PELI2: variants seen among roughly 807,000 people sequenced by gnomAD.
PELI2 encodes the protein E3 ubiquitin-protein ligase pellino homolog 2.
Under a neutral mutation model 42.3 loss-of-function variants are expected in PELI2, and 23 were observed. The ratio of observed to expected loss-of-function variants is 0.54; its 90% CI spans 0.39 to 0.77. PELI2 has a LOEUF of 0.77. PELI2 is among the 30% of genes least tolerant of loss of function. The pLI is 0.00. For synonymous variants in PELI2, 245 were observed against 212.2 expected, an observed-to-expected ratio of 1.15 and a Z score of -1.34; for missense variants, 463 against 553.2, an observed-to-expected ratio of 0.84 and a Z score of 1.64.
chr14:56,229,516 C>G (rs1336106663), intron 2 of PELI2, among the ~76,000 whole-genome samples: 1 of 152,216 alleles, frequency 6.6e-6, no homozygotes, highest in East Asian at 1.9e-4. Context: ...TCCAACAGAC[C>G]TGCAGCTGAG....
intron 2 of PELI2, among the ~76,000 whole-genome samples, chr14:56,269,607 C>A (rs1305838794): frequency 6.6e-6 from 1 of 152,150 alleles, no homozygotes. Flanking sequence ...ACAGCAGTGA[C>A]CTTTCTGGGG....
chr14:56,175,953 A>G lies in PELI2; in HGVS notation c.78-2382A>G, dbSNP rs376095042. Among the ~76,000 whole-genome samples, 23 of 152,254 alleles carry G rather than the reference A, an allele frequency of 1.5e-4. 1 individual carries two copies. The highest frequency in any genetic ancestry group is 8.5e-4 in the Admixed American group (13 of 15,304). On this transcript the variant is annotated intron_variant, in intron 1 of 5. Coordinates refer to ENST00000267460, the MANE Select transcript of PELI2 (RefSeq NM_021255.3). The stretch of plus-strand genomic sequence containing the variant: ...TGCTTTTTCAGCCATATAACACTTT[A>G]TGACATCCCCACAGCTCCTGTGTTT...
chr14:56,140,460 C>T (rs933852303), intron 1 of PELI2, among the ~76,000 whole-genome samples: 1 of 152,202 alleles, frequency 6.6e-6, no homozygotes, highest in African/African-American at 2.4e-5. Flanking sequence ...TTTGCCTTCA[C>T]AGTGAGGTCT....
chr14:56,268,769 A>G (rs1386520737), intron 2 of PELI2, among the ~76,000 whole-genome samples: 1 of 152,170 alleles, frequency 6.6e-6, no homozygotes, highest in Admixed American at 6.5e-5. Context: ...AGTGACCAGC[A>G]GTTACGATGC....
chr14:56,235,849 A>G (rs2139782059), intron 2 of PELI2, among the ~76,000 whole-genome samples: 1 of 152,338 alleles, frequency 6.6e-6, no homozygotes, highest in Non-Finnish European at 1.5e-5. Flanking sequence ...AGAGAAGGGC[A>G]TTTCTGCGTA....
chr14:56,241,092 G>A (rs1846004293), intron 2 of PELI2, among the ~76,000 whole-genome samples: 1 of 131,086 alleles, frequency 7.6e-6, no homozygotes, highest in Admixed American at 8.2e-5. Context: ...TCATCCCCAG[G>A]AGGTTTGAGT....
At chr14:56,142,616 G>T (rs1288188267) in intron 1 of PELI2, among the ~76,000 whole-genome samples, 3 of 151,986 alleles carry the variant, frequency 2.0e-5, no homozygotes, top group Non-Finnish European at 4.4e-5. Flanking sequence ...TCTCAAGTTT[G>T]ATTTTTTTCC....
chr14:56,209,325 G>A (rs967376281), intron 2 of PELI2, among the ~76,000 whole-genome samples: 2 of 152,124 alleles, frequency 1.3e-5, no homozygotes, highest in African/African-American at 2.4e-5. Flanking sequence ...TTTCTGAAAA[G>A]GCTATTAAAA....
intron 2 of PELI2, among the ~76,000 whole-genome samples, chr14:56,228,556 A>C (rs1428733814): frequency 1.3e-5 from 2 of 152,256 alleles, no homozygotes; most frequent in Non-Finnish European, 2.9e-5. Flanking sequence ...CACGATTATA[A>C]ACTTAACATT....
chr14:56,231,136 G>A (rs1887550350), intron 2 of PELI2, among the ~76,000 whole-genome samples: 1 of 152,152 alleles, frequency 6.6e-6, no homozygotes, highest in Non-Finnish European at 1.5e-5. Context: ...AAGAGACTTA[G>A]ACTTCCACAC....
intron 2 of PELI2, among the ~76,000 whole-genome samples, chr14:56,232,851 T>G (rs1451349868): frequency 6.6e-6 from 1 of 151,714 alleles, no homozygotes. Context: ...ATTGTCTATT[T>G]AGAAAACCCT....
chr14:56,220,002 C>G (rs1009861540), intron 2 of PELI2, among the ~76,000 whole-genome samples: 1 of 152,186 alleles, frequency 6.6e-6, no homozygotes, highest in Non-Finnish European at 1.5e-5. Context: ...GGAATCATAT[C>G]ATAAACAGTT....
chr14:56,265,823 C>G (rs1392066670), intron 2 of PELI2, among the ~76,000 whole-genome samples: 1 of 151,988 alleles, frequency 6.6e-6, no homozygotes, highest in African/African-American at 2.4e-5. Context: ...ATATAGATGT[C>G]ATATTTACAT....
At chr14:56,292,815 T>G (rs940961327) in intron 5 of PELI2, 6 of 956,172 alleles carry the variant, frequency 6.3e-6, no homozygotes, top group African/African-American at 1.8e-5. Context: ...AATAAATAGG[T>G]GAATGGAGTT....
chr14:56,255,902 C>T (rs575688346), intron 2 of PELI2, among the ~76,000 whole-genome samples: 79 of 152,292 alleles, frequency 5.2e-4, no homozygotes, highest in Middle Eastern at 3.4e-3. Flanking sequence ...CATGGCTAGT[C>T]CCTAGTTCCT....
At chr14:56,235,476 C>T (rs562387634) in intron 2 of PELI2, among the ~76,000 whole-genome samples, 20 of 152,310 alleles carry the variant, frequency 1.3e-4, no homozygotes, top group African/African-American at 2.6e-4. Flanking sequence ...TCTACGCTAA[C>T]GGGTGGCATC....
Position 56,163,660 on chromosome 14 carries a change from T to A in PELI2, c.78-14675T>A, listed in dbSNP as rs1594599473. Among the ~76,000 whole-genome samples the A allele has an allele frequency of 1.3e-5, 2 of 152,114 alleles. 1 individual carries two copies. Among genetic ancestry groups the A allele is most frequent in the African/African-American group, 4.8e-5 (2 of 41,436 alleles). On this transcript the variant is annotated intron_variant, in intron 1 of 5. Coordinates refer to ENST00000267460, the MANE Select transcript of PELI2 (RefSeq NM_021255.3). ...ATTTCATTGAATCTGTAGATTGCTT[T>A]GGGTAGTATGGACATTTGAATAATA...
At chr14:56,228,879 A>G (rs900668764) in intron 2 of PELI2, among the ~76,000 whole-genome samples, 2 of 152,200 alleles carry the variant, frequency 1.3e-5, no homozygotes, top group Non-Finnish European at 2.9e-5. Context: ...CGGTACCTGG[A>G]AAATCGGGAC....
chr14:56,231,010 G>A (rs545534737), intron 2 of PELI2, among the ~76,000 whole-genome samples: 7 of 152,240 alleles, frequency 4.6e-5, no homozygotes, highest in Admixed American at 4.6e-4. Flanking sequence ...AGACAAAGAA[G>A]GCCATTACAT....
Sources: allele counts gnomAD v4.1 joint callset (sites outside exome capture counted in the v4.1 genomes callset), GRCh38; gene constraint gnomAD v4.1.1; transcripts MANE v1.5; gene names NCBI Gene and HGNC (gene_info 2026-07-23, HGNC 2026-07-21).